The following SLC24A2 variants were observed in gnomAD, a reference collection of about 807,000 sequenced individuals.
SLC24A2 encodes solute carrier family 24 member 2, also known as sodium/potassium/calcium exchanger 2.
Under a neutral mutation model 62.0 loss-of-function variants are expected in SLC24A2, and 36 were observed. The observed-to-expected ratio is 0.58, with a 90% CI of 0.44 to 0.77. The LOEUF is 0.77. Among genes scored for constraint, SLC24A2 ranks in the 30% least tolerant of loss-of-function variants. The probability of loss-of-function intolerance (pLI) is 0.00; values close to 1 mark genes in which losing one functional copy is unlikely to be tolerated. For synonymous variants in SLC24A2, 358 were observed against 294.0 expected (o/e 1.22, Z -2.23); for missense variants, 846 against 817.9 (o/e 1.03, Z -0.42).
At chr9:20,080,516 T>C in the SLC24A2 span, among the ~76,000 whole-genome samples, 1 of 152,168 alleles carries the variant, frequency 6.6e-6, no homozygotes, top group East Asian at 1.9e-4. Context: ...CCTAAAACCA[T>C]AAAAACCCTA....
intron 8 of SLC24A2, among the ~76,000 whole-genome samples, chr9:19,540,434 A>G (rs1292206910): frequency 5.3e-4 from 79 of 150,108 alleles, no homozygotes; most frequent in African/African-American, 1.7e-3. Flanking sequence ...TTGCTTGTCT[A>G]TAAAGTATTT....
the SLC24A2 span, among the ~76,000 whole-genome samples, chr9:19,920,086 A>T: frequency 1.7e-4 from 26 of 152,210 alleles, no homozygotes; most frequent in Non-Finnish European, 3.2e-4. Flanking sequence ...AGAATCTAAA[A>T]ATAATTTGGG....
chr9:19,662,103 T>A (rs764192299), intron 2 of SLC24A2, among the ~76,000 whole-genome samples: 13 of 152,280 alleles, frequency 8.5e-5, no homozygotes, highest in Middle Eastern at 3.4e-3. Flanking sequence ...AGAAATAAAA[T>A]GTGAACTGCA....
chr9:19,696,414 G>C (rs928596772), intron 2 of SLC24A2, among the ~76,000 whole-genome samples: 3 of 152,166 alleles, frequency 2.0e-5, no homozygotes, highest in Admixed American at 6.5e-5. Context: ...GAGGGGCCTA[G>C]TACAGCCATT....
chr9:19,867,021 A>G, the SLC24A2 span, among the ~76,000 whole-genome samples: 1 of 152,142 alleles, frequency 6.6e-6, no homozygotes, highest in African/African-American at 2.4e-5. Context: ...GACCATGGTC[A>G]ATAATAATAA....
intron 2 of SLC24A2, among the ~76,000 whole-genome samples, chr9:19,720,350 A>C (rs1453861913): frequency 6.6e-6 from 1 of 152,236 alleles, no homozygotes; most frequent in Non-Finnish European, 1.5e-5. Context: ...CTTTGGGGAC[A>C]TCACTTTGAC....
At chr9:20,040,088 T>G in the SLC24A2 span, among the ~76,000 whole-genome samples, 1 of 152,224 alleles carries the variant, frequency 6.6e-6, no homozygotes, top group African/African-American at 2.4e-5. Context: ...AACATGTACA[T>G]GGCACAGTTC....
the SLC24A2 span, among the ~76,000 whole-genome samples, chr9:19,876,366 G>A: frequency 4.5e-4 from 9 of 19,864 alleles, no homozygotes; most frequent in Admixed American, 1.0e-3. Context: ...TATTGAAGGC[G>A]TGTGTGTGTG....
chr9:20,289,795 A>G, the SLC24A2 span, among the ~76,000 whole-genome samples: 3,409 of 152,278 alleles, frequency 0.022, 57 homozygotes, highest in Non-Finnish European at 0.033. Flanking sequence ...CTTAGGGCTT[A>G]TAACTAGCAG....
the SLC24A2 span, among the ~76,000 whole-genome samples, chr9:20,253,974 G>A: frequency 2.6e-5 from 4 of 152,176 alleles, no homozygotes; most frequent in African/African-American, 9.7e-5. Flanking sequence ...TGGTGTGGAA[G>A]AGAGGGAATA....
At chr9:20,100,268 C>T in the SLC24A2 span, among the ~76,000 whole-genome samples, 1 of 152,014 alleles carries the variant, frequency 6.6e-6, no homozygotes, top group Non-Finnish European at 1.5e-5. Context: ...GCCATGTCGC[C>T]CAGGCTGGTC....
At chr9:20,140,818 T>C in the SLC24A2 span, among the ~76,000 whole-genome samples, 1 of 152,320 alleles carries the variant, frequency 6.6e-6, no homozygotes, top group South Asian at 2.1e-4. Flanking sequence ...GTGAGTCTGC[T>C]GCTAACTTGC....
At chr9:19,530,291 CT>C (rs1833641017) in intron 8 of SLC24A2, among the ~76,000 whole-genome samples, 1 of 152,008 alleles carries the variant, frequency 6.6e-6, no homozygotes, top group Admixed American at 6.6e-5. Flanking sequence ...GAGAAGAACC[CT>C]CTTGCCACGT....
At chr9:19,799,089 T>C in the SLC24A2 span, among the ~76,000 whole-genome samples, 1 of 152,176 alleles carries the variant, frequency 6.6e-6, no homozygotes, top group Non-Finnish European at 1.5e-5. Flanking sequence ...TTATTCTACT[T>C]CTTGCTGTTG....
the SLC24A2 span, among the ~76,000 whole-genome samples, chr9:20,093,648 T>A: frequency 6.6e-6 from 1 of 152,224 alleles, no homozygotes. Flanking sequence ...AACTGTTGTT[T>A]TTCTGTTTGG....
chr9:20,033,019 A>G, the SLC24A2 span, among the ~76,000 whole-genome samples: 1 of 152,190 alleles, frequency 6.6e-6, no homozygotes, highest in Admixed American at 6.5e-5. Context: ...ACTGCACAAA[A>G]GGTTGAATAT....
At chr9:19,981,923 G>A in the SLC24A2 span, among the ~76,000 whole-genome samples, 1 of 152,172 alleles carries the variant, frequency 6.6e-6, no homozygotes, top group African/African-American at 2.4e-5. Context: ...TACCCACTAT[G>A]AGATTAACCA....
intron 2 of SLC24A2, among the ~76,000 whole-genome samples, chr9:19,630,112 C>A (rs978483452): frequency 1.3e-5 from 2 of 152,090 alleles, no homozygotes; most frequent in Non-Finnish European, 2.9e-5. Flanking sequence ...TTAAGTGTTA[C>A]ATTTAAGAAT....
chr9:19,562,384 T>C (rs1232370409), intron 7 of SLC24A2, among the ~76,000 whole-genome samples: 3 of 152,190 alleles, frequency 2.0e-5, no homozygotes. Flanking sequence ...ATGGGAACAA[T>C]TAATAGACAT....
Sources: allele counts gnomAD v4.1 joint callset (sites outside exome capture counted in the v4.1 genomes callset), GRCh38; gene constraint gnomAD v4.1.1; transcripts MANE v1.5; gene names NCBI Gene and HGNC (gene_info 2026-07-23, HGNC 2026-07-21).